The following ADAMTS7 variants were observed in gnomAD, a reference collection of about 807,000 sequenced individuals.
The protein encoded by ADAMTS7 is A disintegrin and metalloproteinase with thrombospondin motifs 7.
A neutral mutation model predicts 172.6 loss-of-function variants in ADAMTS7; 89 were observed. The observed-to-expected ratio is 0.52, with a 90% confidence interval of 0.43 to 0.61. ADAMTS7 has a LOEUF of 0.61. Among genes scored for constraint, ADAMTS7 ranks in the 20% least tolerant of loss-of-function variants. The pLI is 0.00. For missense variants in ADAMTS7, 1,973 were observed against 2,355.6 expected (o/e 0.84, Z 3.36); for synonymous variants, 885 against 978.4 (o/e 0.90, Z 1.78).
intron 5 of ADAMTS7, 137 bp from the exon 6 acceptor site, chr15:78,790,931 G>A: frequency 7.2e-7 from 1 of 1,396,292 alleles, no homozygotes; most frequent in Non-Finnish European, 9.8e-7. Context: ...CGAGCTTCCA[G>A]CCTGACCATC....
intron 1 of ADAMTS7, among the ~76,000 whole-genome samples, chr15:78,801,834 C>A (rs1304922638): frequency 6.6e-6 from 1 of 152,136 alleles, no homozygotes; most frequent in East Asian, 1.9e-4. Flanking sequence ...GGTGCCACCA[C>A]ACTTGGCTAA....
intron 4 of ADAMTS7, among the ~76,000 whole-genome samples, chr15:78,795,442 CGTG>C (rs2055630840): frequency 3.3e-5 from 5 of 152,206 alleles, no homozygotes; most frequent in Admixed American, 1.3e-4. Context: ...GTAGTGGGGA[CGTG>C]GTGGCCAGCA....
At chr15:78,782,863 G>T (rs2055447955) in intron 8 of ADAMTS7, among the ~76,000 whole-genome samples, 1 of 152,058 alleles carries the variant, frequency 6.6e-6, no homozygotes, top group African/African-American at 2.4e-5. Context: ...GTAGCCAAGT[G>T]ATGGCCACCT....
chr15:78,779,865 C>T (rs1366701595), intron 8 of ADAMTS7, among the ~76,000 whole-genome samples: 2 of 151,188 alleles, frequency 1.3e-5, no homozygotes, highest in Non-Finnish European at 3.0e-5. Context: ...CTCCTGCGGG[C>T]CTGCTGTTGG....
In ADAMTS7 at chr15:78,763,789, T is replaced by C; in HGVS notation, c.4650A>G (p.Pro1550=). Residue 1550 remains proline, a synonymous_variant, in exon 22 of 24, where the codon CCA becomes CCG. Coordinates refer to ENST00000388820, the MANE Select transcript of ADAMTS7 (RefSeq NM_014272.5). ...EQQRLVTCPE[P]GLCEEALRPN... Reference sequence around the variant, plus strand: ...GTCTCAGCGCCTCCTCGCAGAGGCCTGGCTCCGGGCAGGTCACTAGACGCT... The same window carrying C: ...GTCTCAGCGCCTCCTCGCAGAGGCCCGGCTCCGGGCAGGTCACTAGACGCT... 6.3e-7 allele frequency: 1 copy of C among 1,590,156 alleles called. No individual in the cohort carries two copies. The highest frequency in any genetic ancestry group is 8.5e-7 in the Non-Finnish European group (1 of 1,170,728).
At position 78,788,275 on chromosome 15, in the gene ADAMTS7, G is replaced by A. The variant is rs1596192675; in HGVS notation, c.1278C>T (p.Leu426=). 1 of 1,613,812 alleles carries A rather than the reference G, an allele frequency of 6.2e-7. No homozygotes were observed. Among genetic ancestry groups the A allele is most frequent in the Non-Finnish European group, 8.5e-7 (1 of 1,180,012 alleles). The change falls in exon 8 of 24, where the codon CTC becomes CTT. Residue 426 remains leucine, a synonymous_variant. Coordinates refer to ENST00000388820, the MANE Select transcript of ADAMTS7 (RefSeq NM_014272.5). ...SPQLLYDAAP[L]TWSRCSRQYI... ...ACTGGCGGCTGCAGCGGGACCAGGT[G>A]AGGGGAGCGGCGTCGTACAGGAGCT...
At position 78,768,228 on chromosome 15, in the gene ADAMTS7, C is replaced by T; in HGVS notation, c.2550G>A (p.Glu850=). Residue 850 remains glutamate (E), a synonymous_variant, in exon 17 of 24, where the codon GAG becomes GAA. Transcript: ENST00000388820. ...CCTCGTCCACGGGCCCTGCCTGCCG[C>T]TCCAAGCAGTACACATTCTGCCTCT... ...GVQRQNVYCL[E]RQAGPVDEEH... 1 of 1,610,816 alleles carries T rather than the reference C, an allele frequency of 6.2e-7. No individual in the cohort carries two copies. The highest frequency in any genetic ancestry group is 2.2e-5 in the East Asian group (1 of 44,872).
rs576074693 is a variant in ADAMTS7, at chr15:78,803,821, GAT to G, written c.101-3276_101-3275del. On this transcript the variant is annotated intron_variant, in intron 1 of 23. Coordinates refer to ENST00000388820, the MANE Select transcript of ADAMTS7 (RefSeq NM_014272.5). ...AAGATACGTGCAACAACTGTAATGA[GAT>G]AGAAAAATATTTGGTTTGCTGTATT... is the stretch of plus-strand genomic sequence containing the variant. 2.0e-5 allele frequency among the ~76,000 whole-genome samples: 3 copies of G among 152,230 alleles called. No individual in the cohort carries two copies. The South Asian group carries it at 6.2e-4, about 32-fold the overall frequency.
intron 1 of ADAMTS7, among the ~76,000 whole-genome samples, chr15:78,800,965 T>C (rs2055716795): frequency 6.6e-6 from 1 of 152,270 alleles, no homozygotes; most frequent in African/African-American, 2.4e-5. Context: ...GGTCTCAAAC[T>C]CCTGAACTCA....
rs773371396 is a variant in ADAMTS7 at position 78,767,039 on chromosome 15, A to G, written c.2872T>C (p.Cys958Arg). 7 of 1,557,862 alleles carry G rather than the reference A, an allele frequency of 4.5e-6. No homozygotes were observed. Among genetic ancestry groups the G allele is most frequent in the Non-Finnish European group, 5.2e-6 (6 of 1,153,130 alleles). The change falls in exon 19 of 24, where the codon TGT (cysteine) becomes CGT (arginine). Residue 958 changes from cysteine to arginine, a missense_variant. Transcript: ENST00000388820. The part of the protein sequence containing the change: ...VGNWSQCSVT[C>R]GEGTQRRNVL... ...TTTCGGCGCTGAGTGCCCTCCCCAC[A>G]TGTCACTGAGCACTGCAGGGGAAGC...
At position 78,776,211 on chromosome 15, in the gene ADAMTS7, G is replaced by A. The variant is rs767217488; in HGVS notation, c.1683C>T (p.Ala561=). 5.0e-6 allele frequency: 8 copies of A among 1,611,128 alleles called. No homozygotes were observed. Among genetic ancestry groups the A allele is most frequent in the South Asian group, 4.4e-5 (4 of 90,972 alleles). The change falls in exon 11 of 24, where the codon GCC becomes GCT. Residue 561 remains alanine (A), a synonymous_variant. Transcript: ENST00000388820. ...SRSCGMGVQS[A]ERQCTQPTPK... is the part of the protein sequence containing the mutation. The stretch of plus-strand genomic sequence containing the variant: ...ACGTAGGCTGCGTGCACTGCCGCTC[G>A]GCGCTCTGTACGCCCATGCCACAGC...
intron 14 of ADAMTS7, among the ~76,000 whole-genome samples, chr15:78,772,742 G>T (rs1213280988): frequency 1.3e-5 from 2 of 152,274 alleles, no homozygotes; most frequent in Non-Finnish European, 2.9e-5. Context: ...CAGTACTTGA[G>T]CAACGTGTGC....
At chr15:78,764,735 G>A in intron 19 of ADAMTS7, 28 bp from the exon 20 acceptor site, 2 of 1,469,500 alleles carry the variant, frequency 1.4e-6, no homozygotes, top group Non-Finnish European at 1.8e-6. Flanking sequence ...GTGAAAGCCA[G>A]GCAGATCCCA....
intron 4 of ADAMTS7, among the ~76,000 whole-genome samples, chr15:78,795,887 C>T (rs893697545): frequency 6.6e-6 from 1 of 152,164 alleles, no homozygotes; most frequent in Non-Finnish European, 1.5e-5. Flanking sequence ...AGCCACAGTG[C>T]CCCCGGTGGG....
chr15:78,780,123 A>T (rs2055408918), intron 8 of ADAMTS7, among the ~76,000 whole-genome samples: 1 of 144,696 alleles, frequency 6.9e-6, no homozygotes, highest in Non-Finnish European at 1.5e-5. Context: ...GGGAAAAATC[A>T]CACAGGCGGC....
chr15:78,778,293 A>C (rs1207599503), intron 8 of ADAMTS7, among the ~76,000 whole-genome samples: 1 of 152,222 alleles, frequency 6.6e-6, no homozygotes, highest in Non-Finnish European at 1.5e-5. Flanking sequence ...CTGCTCAGAC[A>C]CAACACCATG....
At chr15:78,801,033 G>A (rs893338934) in intron 1 of ADAMTS7, among the ~76,000 whole-genome samples, 1 of 152,144 alleles carries the variant, frequency 6.6e-6, no homozygotes, top group Non-Finnish European at 1.5e-5. Flanking sequence ...CAGCCACTGC[G>A]CCCGGCCTGG....
intron 1 of ADAMTS7, among the ~76,000 whole-genome samples, chr15:78,805,859 T>C (rs1052714392): frequency 6.6e-6 from 1 of 151,902 alleles, no homozygotes; most frequent in Non-Finnish European, 1.5e-5. Flanking sequence ...GGAGGGCAGA[T>C]TGCTTGAGTT....
intron 16 of ADAMTS7, among the ~76,000 whole-genome samples, chr15:78,770,099 G>T (rs2055222046): frequency 6.6e-6 from 1 of 152,088 alleles, no homozygotes; most frequent in South Asian, 2.1e-4. Flanking sequence ...GGAGGCGGAG[G>T]CTGCAGTGAG....
Sources: gnomAD v4.1 joint callset for allele counts (sites outside exome capture counted in the v4.1 genomes callset) on GRCh38, gnomAD v4.1.1 for gene constraint, MANE v1.5 for transcripts, NCBI Gene and HGNC (gene_info 2026-07-23, HGNC 2026-07-21) for gene names.